Variants in SLC22A15 observed in about 807,000 individuals in gnomAD.
SLC22A15 encodes flipt 1.
Under a neutral mutation model 62.7 loss-of-function variants are expected in SLC22A15, and 45 were observed. The ratio of observed to expected loss-of-function variants is 0.72; its 90% confidence interval spans 0.56 to 0.92. The LOEUF is 0.92. Among genes scored for constraint, SLC22A15 ranks in the 40% least tolerant of loss-of-function variants. The pLI is 0.00. For synonymous variants in SLC22A15, 264 were observed against 267.0 expected, an observed-to-expected ratio of 0.99 and a Z score of 0.11; for missense variants, 622 against 665.6, an observed-to-expected ratio of 0.93 and a Z score of 0.72.
intron 8 of SLC22A15, among the ~76,000 whole-genome samples, chr1:116,053,164 T>C (rs1286714938): frequency 1.3e-5 from 2 of 152,250 alleles, no homozygotes; most frequent in East Asian, 3.9e-4. Flanking sequence ...GAAAAAAATT[T>C]AGACGAATTT....
At chr1:116,033,838 G>A (rs551442924) in intron 6 of SLC22A15, among the ~76,000 whole-genome samples, 1 of 152,178 alleles carries the variant, frequency 6.6e-6, no homozygotes, top group South Asian at 2.1e-4. Flanking sequence ...AATCCTGCCC[G>A]TTGTCCTTGG....
chr1:116,037,587 T>C, intron 8 of SLC22A15, 199 bp downstream of exon 8: 1 of 497,024 alleles, frequency 2.0e-6, no homozygotes, highest in East Asian at 3.1e-5. Context: ...AGAGGTGCAC[T>C]ATTAATTCTT....
At chr1:116,053,907 C>A (rs1658127476) in intron 8 of SLC22A15, among the ~76,000 whole-genome samples, 2 of 151,712 alleles carry the variant, frequency 1.3e-5, no homozygotes, top group South Asian at 4.2e-4. Flanking sequence ...GAAGGAAGCA[C>A]TAAACATGGA....
chr1:115,987,163 GA>G (rs1203029509), intron 1 of SLC22A15, among the ~76,000 whole-genome samples: 3 of 147,720 alleles, frequency 2.0e-5, no homozygotes, highest in South Asian at 4.2e-4. Flanking sequence ...AATGTAGATA[GA>G]TTTTTTTTTT....
chr1:116,013,978 A>G (rs902590599), intron 2 of SLC22A15: 4 of 152,260 alleles, frequency 2.6e-5, no homozygotes, highest in Non-Finnish European at 5.9e-5. Flanking sequence ...TCCCGCTCAC[A>G]TGCTTGCTAC....
intron 2 of SLC22A15, among the ~76,000 whole-genome samples, chr1:116,000,806 A>AT (rs1295118138): frequency 6.6e-6 from 1 of 150,486 alleles, no homozygotes; most frequent in Admixed American, 6.6e-5. Flanking sequence ...AATTTTTTGT[A>AT]TTTTTTTAGT....
chr1:116,054,596 A>T (rs185239215), intron 8 of SLC22A15, among the ~76,000 whole-genome samples: 29 of 152,298 alleles, frequency 1.9e-4, no homozygotes, highest in African/African-American at 6.5e-4. Context: ...AAATCAACAG[A>T]ATATACATTT....
At position 115,976,563 on chromosome 1, in the gene SLC22A15, C is replaced by A; in HGVS notation, c.-65C>A. ...GGTGCCGGGCGCCCAGGGGTTGCCGCGCTGGGCGGGAGGGCAGCGCCTGAG... is the reference window on the plus strand; with the variant it reads ...GGTGCCGGGCGCCCAGGGGTTGCCGAGCTGGGCGGGAGGGCAGCGCCTGAG... On this transcript the variant is annotated 5_prime_UTR_variant, in exon 1 of 12. Coordinates refer to ENST00000369503, the MANE Select transcript of SLC22A15 (RefSeq NM_018420.3). 7.6e-7 allele frequency: 1 copy of A among 1,309,160 alleles called. No homozygotes were observed. Among genetic ancestry groups the A allele is most frequent in the Non-Finnish European group, 1.0e-6 (1 of 958,182 alleles). The allele number at this position is 1,309,160 out of a possible 1,614,324, so 81.1% of individuals were successfully genotyped here. A position where few individuals can be genotyped will look rare whatever the true frequency, so the allele number is the denominator to read the frequency against.
At chr1:115,980,250 T>A (rs181982319) in intron 1 of SLC22A15, among the ~76,000 whole-genome samples, 148 of 152,252 alleles carry the variant, frequency 9.7e-4, no homozygotes, top group South Asian at 1.9e-3. Context: ...ACAAGTGTGA[T>A]GAAATGATAA....
chr1:116,053,476 C>T (rs1028167846), intron 8 of SLC22A15, among the ~76,000 whole-genome samples: 2 of 152,218 alleles, frequency 1.3e-5, no homozygotes, highest in Non-Finnish European at 2.9e-5. Flanking sequence ...TTGGAAAACA[C>T]TCTGCAGGAT....
At chr1:116,054,902 A>G (rs10802149) in intron 8 of SLC22A15, among the ~76,000 whole-genome samples, 146,489 of 151,710 alleles carry the variant, frequency 0.97, 70,940 homozygotes, top group East Asian at 1. Flanking sequence ...CACATTCAAA[A>G]TAGTGTGTAG....
chr1:116,056,569 T>C (rs1658212514), intron 8 of SLC22A15, among the ~76,000 whole-genome samples: 1 of 151,720 alleles, frequency 6.6e-6, no homozygotes, highest in Non-Finnish European at 1.5e-5. Flanking sequence ...AAAGTTCATA[T>C]GGAACCAAAA....
At chr1:115,999,065 C>T (rs1015965605) in intron 2 of SLC22A15, among the ~76,000 whole-genome samples, 1 of 152,020 alleles carries the variant, frequency 6.6e-6, no homozygotes, top group Non-Finnish European at 1.5e-5. Context: ...TGTTTCATTT[C>T]CTTGTGTTTG....
chr1:116,031,872 T>C, intron 6 of SLC22A15: 20 of 1,190,098 alleles, frequency 1.7e-5, no homozygotes, highest in Non-Finnish European at 2.1e-5. Context: ...TATTTAAGCC[T>C]TCCTGCCCCT....
chr1:116,049,338 A>C (rs1044149445), intron 8 of SLC22A15, among the ~76,000 whole-genome samples: 1 of 152,228 alleles, frequency 6.6e-6, no homozygotes, highest in Non-Finnish European at 1.5e-5. Context: ...AAGATAGACT[A>C]TATGATAAGC....
At chr1:116,049,229 T>G (rs953045318) in intron 8 of SLC22A15, among the ~76,000 whole-genome samples, 1 of 152,190 alleles carries the variant, frequency 6.6e-6, no homozygotes, top group African/African-American at 2.4e-5. Context: ...GGATTTAAAC[T>G]ATACCTTGGA....
At chr1:116,054,643 C>G (rs1384999774) in intron 8 of SLC22A15, among the ~76,000 whole-genome samples, 1 of 152,020 alleles carries the variant, frequency 6.6e-6, no homozygotes, top group African/African-American at 2.4e-5. Flanking sequence ...CAAAATTGAC[C>G]ACATAGTTGG....
chr1:116,058,089 AACAG>A (rs1446979015), intron 8 of SLC22A15, among the ~76,000 whole-genome samples: 1 of 151,750 alleles, frequency 6.6e-6, no homozygotes, highest in African/African-American at 2.4e-5. Flanking sequence ...AAAAAAAGAA[AACAG>A]ACTAATACAT....
chr1:116,036,671 T>C lies in SLC22A15; in HGVS notation c.1086-632T>C, dbSNP rs1657638469. On this transcript the variant is annotated intron_variant, in intron 7 of 11. Coordinates refer to ENST00000369503, the MANE Select transcript of SLC22A15 (RefSeq NM_018420.3). ...GTTCCTAGTAAAAGTACCTAGCATGTTGTAAGCCCCTAGAAAAGGGAGACT... is the reference window on the plus strand; with the variant it reads ...GTTCCTAGTAAAAGTACCTAGCATGCTGTAAGCCCCTAGAAAAGGGAGACT... 2.6e-5 allele frequency among the ~76,000 whole-genome samples: 4 copies of C among 152,206 alleles called. No individual in the cohort carries two copies. The South Asian group carries it at 8.3e-4, about 32-fold the overall frequency.
Sources: gnomAD v4.1 joint callset for allele counts (sites outside exome capture counted in the v4.1 genomes callset) on GRCh38, gnomAD v4.1.1 for gene constraint, MANE v1.5 for transcripts, NCBI Gene and HGNC (gene_info 2026-07-23, HGNC 2026-07-21) for gene names.